The following ERICH1 variants were observed in gnomAD, a reference collection of about 807,000 sequenced individuals.
ERICH1 encodes the protein glutamate-rich protein 1.
In ERICH1, 56 loss-of-function variants were observed where a neutral mutation model predicts 39.6. The ratio of observed to expected loss-of-function variants is 1.41; its 90% CI spans 1.14 to 1.77. The LOEUF (loss-of-function observed/expected upper bound fraction) is 1.77. Among genes scored for constraint, ERICH1 ranks in the 40% most tolerant of loss-of-function variants. ERICH1 has a pLI of 0.00. For synonymous variants in ERICH1, 313 were observed against 223.6 expected, an observed-to-expected ratio of 1.40 and a Z score of -3.57; for missense variants, 826 against 575.4, an observed-to-expected ratio of 1.44 and a Z score of -4.45.
intron 3 of ERICH1, among the ~76,000 whole-genome samples, chr8:682,798 G>A (rs1806427923): frequency 6.6e-6 from 1 of 152,190 alleles, no homozygotes; most frequent in Non-Finnish European, 1.5e-5. Flanking sequence ...TCTCACAGCT[G>A]CACCTTCTTA....
At chr8:638,577 G>A (rs920883250) in intron 3 of ERICH1, among the ~76,000 whole-genome samples, 1 of 152,194 alleles carries the variant, frequency 6.6e-6, no homozygotes, top group Non-Finnish European at 1.5e-5. Context: ...TACGAGGGCA[G>A]GATCTCGCTT....
Position 715,983 on chromosome 8 carries a change from C to G in ERICH1, c.47G>C (p.Arg16Thr), listed in dbSNP as rs185613557. Residue 16 changes from arginine to threonine, a missense_variant, in exon 2 of 6, where the codon AGA (arginine) becomes ACA (threonine). Physicochemically the swap from Arg to Thr is moderately conservative, Grantham distance 71. Transcript: ENST00000262109. ...KHVFVEKVLQRLFPPVPSGQG... is the reference protein window; with the variant it reads ...KHVFVEKVLQTLFPPVPSGQG... The stretch of plus-strand genomic sequence containing the variant: ...GCCACTTGGAACAGGAGGAAAAAGT[C>G]TCTGCAGCACCTTCTCCACAAACAC... The G allele has an allele frequency of 1.9e-6, 3 of 1,611,846 alleles. No homozygotes were observed. Among genetic ancestry groups the G allele is most frequent in the South Asian group, 2.2e-5 (2 of 90,750 alleles).
At chr8:708,220 G>C (rs1329384860) in intron 2 of ERICH1, among the ~76,000 whole-genome samples, 1 of 152,202 alleles carries the variant, frequency 6.6e-6, no homozygotes, top group African/African-American at 2.4e-5. Flanking sequence ...CTGTGGACAA[G>C]AGTCCGGCAG....
At chr8:683,437 A>G (rs1291869337) in intron 3 of ERICH1, among the ~76,000 whole-genome samples, 1 of 152,210 alleles carries the variant, frequency 6.6e-6, no homozygotes. Context: ...GAGGGTCAGC[A>G]GGTGCCTGAA....
intron 3 of ERICH1, chr8:686,811 T>G (rs898343992): frequency 7.9e-5 from 12 of 152,222 alleles, no homozygotes; most frequent in African/African-American, 2.9e-4. Flanking sequence ...CCTCCCCTCC[T>G]CTAGGACCAG....
chr8:632,924 G>T (rs1158864729), intron 3 of ERICH1, among the ~76,000 whole-genome samples: 1 of 152,240 alleles, frequency 6.6e-6, no homozygotes, highest in African/African-American at 2.4e-5. Context: ...ACGGTGCACA[G>T]GATGCCCCAC....
intron 3 of ERICH1, among the ~76,000 whole-genome samples, chr8:640,288 C>T (rs1182652187): frequency 1.3e-5 from 2 of 152,212 alleles, no homozygotes; most frequent in East Asian, 3.8e-4. Flanking sequence ...CTTTTCACAT[C>T]CCAATTCCTC....
chr8:699,035 G>A (rs1811047163), intron 2 of ERICH1, among the ~76,000 whole-genome samples: 1 of 151,862 alleles, frequency 6.6e-6, no homozygotes, highest in Non-Finnish European at 1.5e-5. Context: ...GAGCCCAGGA[G>A]CTCAGGGCCG....
intron 3 of ERICH1, among the ~76,000 whole-genome samples, chr8:635,031 G>A (rs1182807823): frequency 6.6e-6 from 1 of 151,930 alleles, no homozygotes; most frequent in Non-Finnish European, 1.5e-5. Context: ...GCTTCAGACC[G>A]CACCTGGGGG....
intron 1 of ERICH1, among the ~76,000 whole-genome samples, chr8:727,370 G>T (rs546816019): frequency 6.6e-6 from 1 of 152,224 alleles, no homozygotes; most frequent in African/African-American, 2.4e-5. Context: ...GATTCCTGGC[G>T]TGTGAAGTTG....
At chr8:725,131 C>T (rs1818287484) in intron 1 of ERICH1, 4 of 177,148 alleles carry the variant, frequency 2.3e-5, no homozygotes, top group South Asian at 9.5e-5. Flanking sequence ...CCCCTCCAGC[C>T]TCCGTGCCTG....
chr8:668,709 G>T lies in ERICH1; in HGVS notation c.1147C>A (p.Pro383Thr), dbSNP rs1222371209. 6.2e-7 allele frequency: 1 copy of T among 1,613,752 alleles called. No individual in the cohort carries two copies. The highest frequency in any genetic ancestry group is 1.3e-5 in the African/African-American group (1 of 74,938). ...LDRLASHSML[P>T]SDVSILYHMK... is the part of the protein sequence containing the mutation. Reference sequence around the variant, plus strand: ...TGGTACAGGATGGACACGTCTGAGGGCAGCATGCTGTGTGACGCAAGGCGG... The same window carrying T: ...TGGTACAGGATGGACACGTCTGAGGTCAGCATGCTGTGTGACGCAAGGCGG... Residue 383 changes from proline to threonine, a missense_variant, in exon 5 of 6, where the codon CCC (proline) becomes ACC (threonine). Coordinates refer to ENST00000262109, the MANE Select transcript of ERICH1 (RefSeq NM_207332.3).
chr8:670,260 T>A (rs925371114), intron 4 of ERICH1, among the ~76,000 whole-genome samples: 12 of 152,332 alleles, frequency 7.9e-5, no homozygotes, highest in Non-Finnish European at 1.2e-4. Flanking sequence ...AATGCTCCAA[T>A]TTTTCCTTTT....
At chr8:633,985 T>C (rs1285653691) in intron 3 of ERICH1, among the ~76,000 whole-genome samples, 1 of 152,046 alleles carries the variant, frequency 6.6e-6, no homozygotes, top group African/African-American at 2.4e-5. Context: ...TTCTTGAAGG[T>C]GACACCAAAG....
chr8:634,026 G>A (rs563707564), intron 3 of ERICH1, among the ~76,000 whole-genome samples: 17 of 152,200 alleles, frequency 1.1e-4, no homozygotes, highest in African/African-American at 3.6e-4. Context: ...AGCAGACAGC[G>A]GGACTGCGTG....
At chr8:698,321 C>T (rs1293511684) in intron 2 of ERICH1, among the ~76,000 whole-genome samples, 4 of 151,742 alleles carry the variant, frequency 2.6e-5, no homozygotes, top group African/African-American at 7.3e-5. Flanking sequence ...CAGGTTCCAG[C>T]GACTCTCATT....
In ERICH1 at chr8:708,681, GT is replaced by G. The variant is rs139731216; in HGVS notation, c.169+7179del. Reference sequence around the variant, plus strand: ...GGGCTGAGTGGTTACGGGATAATGAGTTTTTTTTTTTTTTTTTTTTTTTTTT... The same window carrying G: ...GGGCTGAGTGGTTACGGGATAATGAGTTTTTTTTTTTTTTTTTTTTTTTTT... On this transcript the variant is annotated intron_variant, in intron 2 of 5. Transcript: ENST00000262109. 1.4e-3 allele frequency among the ~76,000 whole-genome samples: 92 copies of G among 65,768 alleles called. 2 individuals carry two copies. The highest frequency in any genetic ancestry group is 1.9e-3 in the Non-Finnish European group (64 of 33,644). The allele number at this position is 65,768 out of a possible 152,430, so 43.1% of individuals were successfully genotyped here. A position where few individuals can be genotyped will look rare whatever the true frequency, so the allele number is the denominator to read the frequency against.
intron 1 of ERICH1, among the ~76,000 whole-genome samples, chr8:721,454 G>C (rs892557193): frequency 1.3e-5 from 2 of 152,214 alleles, no homozygotes; most frequent in Admixed American, 1.3e-4. Context: ...GCGCCACTTG[G>C]GTTTAGCATC....
At chr8:729,920 G>A (rs551281818) in intron 1 of ERICH1, among the ~76,000 whole-genome samples, 1 of 152,152 alleles carries the variant, frequency 6.6e-6, no homozygotes, top group Non-Finnish European at 1.5e-5. Flanking sequence ...TTGAAGGAAT[G>A]TAAGAGAAGA....
Sources: allele counts gnomAD v4.1 joint callset (sites outside exome capture counted in the v4.1 genomes callset), GRCh38; gene constraint gnomAD v4.1.1; transcripts MANE v1.5; gene names NCBI Gene and HGNC (gene_info 2026-07-23, HGNC 2026-07-21).